NEMF: variants seen among roughly 807,000 people sequenced by gnomAD.
NEMF encodes ribosome quality control complex subunit NEMF.
In NEMF, 89 loss-of-function variants were observed where a neutral mutation model predicts 162.2. The ratio of observed to expected loss-of-function variants is 0.55; its 90% confidence interval spans 0.46 to 0.65. NEMF has a LOEUF of 0.65. NEMF is among the 30% of genes least tolerant of loss of function. The pLI is 0.00. For missense variants in NEMF, 1,133 were observed against 1,261.9 expected (o/e 0.90, Z 1.55); for synonymous variants, 421 against 404.5 (o/e 1.04, Z -0.49).
chr14:49,793,222 TAA>T (rs942764228), intron 26 of NEMF, among the ~76,000 whole-genome samples: 21 of 151,490 alleles, frequency 1.4e-4, no homozygotes, highest in African/African-American at 5.1e-4. Flanking sequence ...ATGGGGAAAA[TAA>T]AAAGATATTA....
chr14:49,814,868 G>C lies in NEMF; in HGVS notation c.1578-11C>G, dbSNP rs1354682732. 1.3e-6 allele frequency: 2 copies of C among 1,493,358 alleles called. No homozygotes were observed. The highest frequency in any genetic ancestry group is 1.8e-6 in the Non-Finnish European group (2 of 1,100,444). The allele number at this position is 1,493,358 out of a possible 1,614,324, so 92.5% of individuals were successfully genotyped here. ...AGAAATTTCTCAAACCTATCAAAAT[G>C]AAAGAAAAAAAGTTAACTTTTCTTT... On this transcript the variant is annotated splice_polypyrimidine_tract_variant and intron_variant, in intron 16 of 32. Transcript: ENST00000298310.
chr14:49,829,380 T>C lies in NEMF; in HGVS notation c.992A>G (p.Glu331Gly), dbSNP rs1353175491. The C allele has an allele frequency of 3.1e-6, 5 of 1,614,182 alleles. No homozygotes were observed. Among genetic ancestry groups the C allele is most frequent in the East Asian group, 2.2e-5 (1 of 44,874 alleles). Residue 331 changes from glutamate to glycine, a missense_variant, in exon 12 of 33, where the codon GAA becomes GGA. Coordinates refer to ENST00000298310, the MANE Select transcript of NEMF (RefSeq NM_004713.6). ...CTGCTGAAGAGCTTCCAATCTGTTT[T>C]CGTGATCCTTTCGAACATTATCTAA... ...KKLDNVRKDH[E>G]NRLEALQQAQ... is the part of the protein sequence containing the mutation.
At chr14:49,788,827 G>A (rs1355948872) in intron 28 of NEMF, among the ~76,000 whole-genome samples, 1 of 152,044 alleles carries the variant, frequency 6.6e-6, no homozygotes, top group Non-Finnish European at 1.5e-5. Context: ...AAAGTGCTGG[G>A]ATTACAGGCG....
chr14:49,797,734 T>C (rs1890756661), intron 25 of NEMF, among the ~76,000 whole-genome samples: 1 of 152,252 alleles, frequency 6.6e-6, no homozygotes, highest in African/African-American at 2.4e-5. Context: ...ACCCTAGAAC[T>C]AGTCTATGTA....
chr14:49,831,059 G>C (rs114157072), intron 11 of NEMF, among the ~76,000 whole-genome samples: 1 of 152,080 alleles, frequency 6.6e-6, no homozygotes, highest in Non-Finnish European at 1.5e-5. Context: ...CGTTCCCACC[G>C]TATTTTCCTT....
intron 25 of NEMF, 122 bp downstream of exon 25, chr14:49,799,353 T>C: frequency 1.3e-6 from 1 of 788,176 alleles, no homozygotes; most frequent in Admixed American, 3.7e-5. Flanking sequence ...ACATTTGTGC[T>C]AAATCTTGGT....
At position 49,789,284 on chromosome 14, in the gene NEMF, G is replaced by A. The variant is rs761232678; in HGVS notation, c.2757C>T (p.Asp919=). The part of the protein sequence containing the change: ...GKKGKKGKTK[D]EPVKKQPQKP... ...TCTGGGGCTGTTTCTTCACAGGTTC[G>A]TCCTTTGTTTTTCCTTTCTTCCCCT... The change falls in exon 28 of 33, where the codon GAC becomes GAT. Residue 919 remains aspartate (D), a synonymous_variant. Coordinates refer to ENST00000298310, the MANE Select transcript of NEMF (RefSeq NM_004713.6). The A allele has an allele frequency of 1.5e-5, 25 of 1,613,986 alleles. No individual in the cohort carries two copies. The highest frequency in any genetic ancestry group is 1.6e-5 in the Non-Finnish European group (19 of 1,180,010).
At chr14:49,829,776 T>C (rs186013233) in intron 11 of NEMF, among the ~76,000 whole-genome samples, 25 of 151,770 alleles carry the variant, frequency 1.6e-4, no homozygotes, top group African/African-American at 4.3e-4. Flanking sequence ...GAATTCTTTA[T>C]TTTTTTTTAA....
chr14:49,798,221 A>G (rs1594738640), intron 25 of NEMF, among the ~76,000 whole-genome samples: 1 of 152,270 alleles, frequency 6.6e-6, no homozygotes, highest in East Asian at 1.9e-4. Flanking sequence ...ATAACAATCA[A>G]CAATGTAGTA....
chr14:49,791,287 A>C lies in NEMF; in HGVS notation c.2620-1714T>G, dbSNP rs148284123. ...GAGGCAGAGGTTGCAGTGAGCTGAG[A>C]TCACACCACTGTACTCCATCCAGGC... On this transcript the variant is annotated intron_variant, in intron 26 of 32. Coordinates refer to ENST00000298310, the MANE Select transcript of NEMF (RefSeq NM_004713.6). 2.0e-3 allele frequency among the ~76,000 whole-genome samples: 311 copies of C among 151,804 alleles called. 2 individuals are homozygous for C. Among genetic ancestry groups the C allele is most frequent in the African/African-American group, 7.4e-3 (304 of 41,358 alleles).
chr14:49,802,631 G>GA (rs757105333), intron 21 of NEMF, 38 bp downstream of exon 21: 21 of 1,608,950 alleles, frequency 1.3e-5, no homozygotes, highest in African/African-American at 2.7e-5. Flanking sequence ...TGAAAATCAG[G>GA]AAAAAAACAA....
chr14:49,801,891 A>G (rs568081639), intron 22 of NEMF, among the ~76,000 whole-genome samples: 4 of 152,346 alleles, frequency 2.6e-5, no homozygotes, highest in South Asian at 2.1e-4. Context: ...ATTACCCATT[A>G]AATACTGAAG....
rs1161367030 is a variant in NEMF at position 49,800,618 on chromosome 14, T to C, written c.2174A>G (p.Asp725Gly). 3 of 1,613,802 alleles carry C rather than the reference T, an allele frequency of 1.9e-6. No individual in the cohort carries two copies. Among genetic ancestry groups the C allele is most frequent in the Non-Finnish European group, 2.5e-6 (3 of 1,179,870 alleles). Residue 725 changes from aspartate (D) to glycine (G), a missense_variant, in exon 23 of 33, where the codon GAC becomes GGC. By Grantham distance (94) the Asp-to-Gly change is moderately conservative. Around this residue, in one of 3 missense-constraint regions of NEMF, gnomAD observed 532 missense variants for 578.6 expected, o/e 0.92. Transcript: ENST00000298310. ...PVEVELMTQV[D>G]QEDITLQSGR... Reference sequence around the variant, plus strand: ...ACTCTGAAGAGTGATATCCTCTTGGTCAACCTGAGTCATGAGTTCTACTTC... The same window carrying C: ...ACTCTGAAGAGTGATATCCTCTTGGCCAACCTGAGTCATGAGTTCTACTTC...
At position 49,838,203 on chromosome 14, in the gene NEMF, C is replaced by A; in HGVS notation, c.510G>T (p.Leu170Phe). The A allele has an allele frequency of 6.2e-7, 1 of 1,613,830 alleles. No homozygotes were observed. Among genetic ancestry groups the A allele is most frequent in the South Asian group, 1.1e-5 (1 of 91,046 alleles). The change falls in exon 6 of 33, where the codon TTG becomes TTT. Residue 170 changes from leucine to phenylalanine, a missense_variant. Physicochemically the swap from Leu to Phe is conservative, Grantham distance 22. This residue lies in a region of NEMF where 582 missense variants were observed against 631.5 expected (regional missense o/e 0.92). Transcript: ENST00000298310. ...AAEPLLTLERLTEIVASAPKG... is the reference protein window; with the variant it reads ...AAEPLLTLERFTEIVASAPKG... The stretch of plus-strand genomic sequence containing the variant: ...TAGGTGCGCTGGCTACTATTTCAGT[C>A]AACCTGTGAAACAAAACGGACATGC...
chr14:49,783,956 TAA>T lies in NEMF; in HGVS notation c.*678_*679del, dbSNP rs1491485181. Reference sequence around the variant, plus strand: ...ATTTAAACCCCTTGTAGCTGGCCTATAATATATATATATTAGATGTTATATAC... The same window carrying T: ...ATTTAAACCCCTTGTAGCTGGCCTATTATATATATATTAGATGTTATATAC... On this transcript the variant is annotated 3_prime_UTR_variant, in exon 33 of 33. Coordinates refer to ENST00000298310, the MANE Select transcript of NEMF (RefSeq NM_004713.6). 6.6e-6 allele frequency: 1 copy of T among 152,178 alleles called. No homozygotes were observed. Among genetic ancestry groups the T allele is most frequent in the African/African-American group, 2.4e-5 (1 of 41,448 alleles). The allele number at this position is 152,178 out of a possible 1,614,324, so 9.4% of individuals were successfully genotyped here.
At chr14:49,845,219 A>G (rs899249911) in intron 4 of NEMF, among the ~76,000 whole-genome samples, 23 of 152,040 alleles carry the variant, frequency 1.5e-4, no homozygotes, top group African/African-American at 5.3e-4. Context: ...CAGCCTCCCG[A>G]GTAGCTGGGA....
At chr14:49,844,759 A>ACACG in intron 4 of NEMF, 1 of 331,780 alleles carries the variant, frequency 3.0e-6, no homozygotes, top group South Asian at 2.4e-5. Flanking sequence ...ACACACACAC[A>ACACG]CACACATATA....
chr14:49,834,164 C>A, intron 7 of NEMF, 199 bp downstream of exon 7: 1 of 590,198 alleles, frequency 1.7e-6, no homozygotes, highest in Non-Finnish European at 3.1e-6. Context: ...AGTCACCACC[C>A]ACTGCAGCCT....
In NEMF at chr14:49,842,267, T is replaced by A. The variant is rs577308656; in HGVS notation, c.358-1401A>T. On this transcript the variant is annotated intron_variant, in intron 4 of 32. Transcript: ENST00000298310. ...ACAATGTTAGAAAAAAAGGAAAACA[T>A]AAATAATGTTAGGTAAAACATAGCA... Among the ~76,000 whole-genome samples, 536 of 151,374 alleles carry A rather than the reference T, an allele frequency of 3.5e-3. 2 individuals carry two copies. The highest frequency in any genetic ancestry group is 6.1e-3 in the Non-Finnish European group (416 of 67,836).
Sources: allele counts gnomAD v4.1 joint callset (sites outside exome capture counted in the v4.1 genomes callset), GRCh38; gene constraint gnomAD v4.1.1; regional missense constraint gnomAD v4.1.1; transcripts MANE v1.5; gene names NCBI Gene and HGNC (gene_info 2026-07-23, HGNC 2026-07-21).